NAV3: variants seen among roughly 807,000 people sequenced by gnomAD.
NAV3 encodes neuron navigator 3.
Under a neutral mutation model 244.7 loss-of-function variants are expected in NAV3, and 87 were observed. The observed-to-expected ratio is 0.36, with a 90% confidence interval of 0.30 to 0.42. The LOEUF is 0.42. Among genes scored for constraint, NAV3 ranks in the 20% least tolerant of loss-of-function variants. The pLI is 1.00. For synonymous variants in NAV3, 1,126 were observed against 1,042.2 expected (o/e 1.08, Z -1.55); for missense variants, 2,663 against 2,893.3 (o/e 0.92, Z 1.83).
At chr12:77,788,939 C>G (rs1213267111) in intron 2 of NAV3, among the ~76,000 whole-genome samples, 1 of 152,112 alleles carries the variant, frequency 6.6e-6, no homozygotes, top group Non-Finnish European at 1.5e-5. Context: ...TCCATCTCCC[C>G]CAGCAAGAGC....
At chr12:77,989,221 CAA>C (rs1026396781) in intron 5 of NAV3, among the ~76,000 whole-genome samples, 1 of 151,966 alleles carries the variant, frequency 6.6e-6, no homozygotes, top group Non-Finnish European at 1.5e-5. Context: ...GGTGAAAAGA[CAA>C]AAACAAGGAG....
chr12:78,117,739 T>A (rs1405318366), intron 13 of NAV3, among the ~76,000 whole-genome samples: 1 of 152,014 alleles, frequency 6.6e-6, no homozygotes, highest in Non-Finnish European at 1.5e-5. Context: ...AAAATGGACA[T>A]TACATCATTA....
rs75029603 is a variant in NAV3 at position 77,795,881 on chromosome 12, A to G, written c.73-144438A>G. On this transcript the variant is annotated intron_variant, in intron 2 of 8. Transcript: ENST00000550042. ...ACAGCATGGTTTACTGAATATTTTAAGCCTACTTTGGGGACCTACTGCTTG... is the reference window on the plus strand; with the variant it reads ...ACAGCATGGTTTACTGAATATTTTAGGCCTACTTTGGGGACCTACTGCTTG... Among the ~76,000 whole-genome samples, 1,647 of 152,296 alleles carry G rather than the reference A, an allele frequency of 0.011. 37 individuals are homozygous for G. In the East Asian group the frequency reaches 0.13, roughly 12 times the overall value.
intron 9 of NAV3, among the ~76,000 whole-genome samples, chr12:78,029,217 A>C (rs964424195): frequency 3.9e-5 from 6 of 151,958 alleles, no homozygotes; most frequent in Non-Finnish European, 8.8e-5. Flanking sequence ...GTCCATAAGT[A>C]GGCTAGAAAA....
chr12:77,889,179 A>G (rs576282000), intron 1 of NAV3, among the ~76,000 whole-genome samples: 66 of 152,336 alleles, frequency 4.3e-4, no homozygotes, highest in African/African-American at 1.5e-3. Context: ...TAGACTGAAT[A>G]AAGCAGATTG....
At chr12:77,749,452 T>C (rs1276148274) in intron 2 of NAV3, among the ~76,000 whole-genome samples, 1 of 152,180 alleles carries the variant, frequency 6.6e-6, no homozygotes, top group Non-Finnish European at 1.5e-5. Flanking sequence ...ATATGATGGA[T>C]GGGAAAGGCC....
chr12:78,019,313 T>G (rs1341260073), intron 8 of NAV3, among the ~76,000 whole-genome samples: 1 of 152,144 alleles, frequency 6.6e-6, no homozygotes, highest in African/African-American at 2.4e-5. Flanking sequence ...GTTTTACCGT[T>G]GTGGCTAATA....
At chr12:78,189,452 G>A (rs1431223312) in intron 33 of NAV3, among the ~76,000 whole-genome samples, 4 of 151,570 alleles carry the variant, frequency 2.6e-5, no homozygotes, top group Non-Finnish European at 5.9e-5. Flanking sequence ...GTAACAATTT[G>A]TATTCTTCAA....
intron 5 of NAV3, among the ~76,000 whole-genome samples, chr12:77,985,739 A>G (rs1870392668): frequency 6.6e-6 from 1 of 151,966 alleles, no homozygotes; most frequent in South Asian, 2.1e-4. Flanking sequence ...CTTTCTTTCA[A>G]TTCCTGTGTC....
chr12:77,848,194 A>G (rs934741802), intron 1 of NAV3, among the ~76,000 whole-genome samples: 1 of 152,234 alleles, frequency 6.6e-6, no homozygotes, highest in Non-Finnish European at 1.5e-5. Context: ...GTGATTTAGG[A>G]TGAGTAAGAC....
intron 23 of NAV3, among the ~76,000 whole-genome samples, chr12:78,165,968 C>CCA (rs1957763879): frequency 6.9e-6 from 1 of 144,296 alleles, no homozygotes; most frequent in Non-Finnish European, 1.5e-5. Context: ...CACCCTCCTG[C>CCA]AAAAAAAAAA....
intron 2 of NAV3, among the ~76,000 whole-genome samples, chr12:77,680,158 G>A (rs1308847495): frequency 6.6e-6 from 1 of 152,150 alleles, no homozygotes; most frequent in Non-Finnish European, 1.5e-5. Flanking sequence ...AGAAGAATAG[G>A]ATCCAGAGTT....
At chr12:77,646,345 G>A (rs939210597) in intron 2 of NAV3, among the ~76,000 whole-genome samples, 1 of 152,180 alleles carries the variant, frequency 6.6e-6, no homozygotes, top group African/African-American at 2.4e-5. Flanking sequence ...TGCCAGCACT[G>A]TAATCCAGCC....
intron 2 of NAV3, among the ~76,000 whole-genome samples, chr12:77,717,193 A>G (rs1876399923): frequency 1.3e-5 from 2 of 152,028 alleles, no homozygotes; most frequent in African/African-American, 4.8e-5. Context: ...ACTATTAACT[A>G]TATGCATATT....
At chr12:77,674,201 T>C (rs1324584266) in intron 2 of NAV3, among the ~76,000 whole-genome samples, 1 of 152,196 alleles carries the variant, frequency 6.6e-6, no homozygotes, top group Non-Finnish European at 1.5e-5. Flanking sequence ...TATCTTTAGC[T>C]CATGTGGTTT....
chr12:78,117,606 G>A (rs1046079025), intron 13 of NAV3, among the ~76,000 whole-genome samples: 2 of 150,282 alleles, frequency 1.3e-5, no homozygotes, highest in South Asian at 4.2e-4. Flanking sequence ...TTACAATATC[G>A]ATATGTTTGT....
intron 2 of NAV3, among the ~76,000 whole-genome samples, chr12:77,782,267 T>G (rs1215257928): frequency 1.4e-5 from 2 of 148,106 alleles, no homozygotes; most frequent in South Asian, 2.3e-4. Context: ...AACTCCCCCT[T>G]GCCTCCCTTC....
chr12:78,094,422 C>T (rs1023382379), intron 12 of NAV3, among the ~76,000 whole-genome samples: 3 of 152,058 alleles, frequency 2.0e-5, no homozygotes, highest in Non-Finnish European at 1.5e-5. Context: ...AATGGTGTAA[C>T]ATTTTAATGA....
intron 23 of NAV3, among the ~76,000 whole-genome samples, chr12:78,164,783 A>T (rs906058162): frequency 6.6e-6 from 1 of 151,998 alleles, no homozygotes; most frequent in Non-Finnish European, 1.5e-5. Flanking sequence ...TGTGAGATTA[A>T]CTTAGTGCCA....
Sources: allele counts gnomAD v4.1 joint callset (sites outside exome capture counted in the v4.1 genomes callset), GRCh38; gene constraint gnomAD v4.1.1; transcripts MANE v1.5; gene names NCBI Gene and HGNC (gene_info 2026-07-23, HGNC 2026-07-21).